The following EPHA5 variants were observed in gnomAD, a reference collection of about 807,000 sequenced individuals.
The protein encoded by EPHA5 is EPH receptor A5, also known as ephrin type-A receptor 5.
A neutral mutation model predicts 105.0 loss-of-function variants in EPHA5; 60 were observed. That is an observed-to-expected ratio of 0.57 (90% CI 0.46 to 0.71). EPHA5 has a LOEUF of 0.71. Ranked by LOEUF, EPHA5 falls within the 30% of genes least tolerant of loss-of-function variation. EPHA5 has a pLI of 0.00. For missense variants in EPHA5, 1,218 were observed against 1,274.7 expected (o/e 0.96, Z 0.68); for synonymous variants, 513 against 449.1 (o/e 1.14, Z -1.80).
At chr4:65,595,006 A>AT (rs1743026741) in intron 3 of EPHA5, among the ~76,000 whole-genome samples, 1 of 152,142 alleles carries the variant, frequency 6.6e-6, no homozygotes, top group African/African-American at 2.4e-5. Flanking sequence ...TTAAAGTGTA[A>AT]TTTTAGAAAG....
chr4:65,643,636 C>T (rs534731242), intron 1 of EPHA5, among the ~76,000 whole-genome samples: 1 of 150,690 alleles, frequency 6.6e-6, no homozygotes, highest in Admixed American at 6.6e-5. Flanking sequence ...ACAATCACAG[C>T]AAAATTCTCT....
At chr4:65,384,486 C>A (rs1054050075) in intron 8 of EPHA5, among the ~76,000 whole-genome samples, 1 of 151,834 alleles carries the variant, frequency 6.6e-6, no homozygotes, top group African/African-American at 2.4e-5. Flanking sequence ...CAAAGGAAGC[C>A]AAATCACCTA....
At chr4:65,611,227 GATATTTCAATATATTTCAGTAT>G (rs2149458095) in intron 2 of EPHA5, among the ~76,000 whole-genome samples, 2 of 152,008 alleles carry the variant, frequency 1.3e-5, no homozygotes, top group East Asian at 3.9e-4. Flanking sequence ...TCCTTTTAGT[GATATTTCAATATATTTCAGTAT>G]ATATTTCAAT....
chr4:65,551,681 C>T (rs1578404168), intron 3 of EPHA5, among the ~76,000 whole-genome samples: 1 of 152,010 alleles, frequency 6.6e-6, no homozygotes, highest in East Asian at 1.9e-4. Context: ...TTTATTGTAA[C>T]ATTTTTATTG....
intron 6 of EPHA5, among the ~76,000 whole-genome samples, chr4:65,417,831 C>T (rs1307734104): frequency 6.6e-6 from 1 of 152,156 alleles, no homozygotes; most frequent in East Asian, 1.9e-4. Context: ...ACAGAAGCAG[C>T]AACGTTTTTT....
intron 13 of EPHA5, 57 bp downstream of exon 13, chr4:65,351,332 C>G (rs1234401499): frequency 6.8e-7 from 1 of 1,474,422 alleles, no homozygotes; most frequent in Non-Finnish European, 9.3e-7. Flanking sequence ...CTTTCAGAAT[C>G]TTTAAAAATA....
intron 2 of EPHA5, among the ~76,000 whole-genome samples, chr4:65,623,709 T>C (rs1000774246): frequency 6.6e-6 from 1 of 152,126 alleles, no homozygotes; most frequent in Non-Finnish European, 1.5e-5. Flanking sequence ...AATGACTGCC[T>C]GATGGAAACA....
intron 7 of EPHA5, among the ~76,000 whole-genome samples, chr4:65,411,319 A>G (rs1374860180): frequency 1.3e-5 from 2 of 152,018 alleles, no homozygotes; most frequent in African/African-American, 4.8e-5. Flanking sequence ...ATGTCAATGA[A>G]AAATAAAAGC....
intron 1 of EPHA5, among the ~76,000 whole-genome samples, chr4:65,657,062 C>A (rs1433423142): frequency 1.2e-4 from 18 of 151,540 alleles, no homozygotes; most frequent in Non-Finnish European, 2.5e-4. Context: ...CCACGTAAAT[C>A]TATCTTAAAA....
At chr4:65,540,842 G>T (rs1271478045) in intron 3 of EPHA5, among the ~76,000 whole-genome samples, 1 of 139,758 alleles carries the variant, frequency 7.2e-6, no homozygotes, top group Non-Finnish European at 1.5e-5. Context: ...CTTTACCTCA[G>T]AATCACATAG....
rs374216487 is a variant in EPHA5 at position 65,414,192 on chromosome 4, C to T, written c.1687+92G>A. ...TGGGAGAGAGAGAGGGAGAGTGAGA[C>T]TGACAGAGTGCCCAGGGAGGGTATT... On this transcript the variant is annotated intron_variant, in intron 7 of 16. Transcript: ENST00000613740. 8.5e-5 allele frequency: 95 copies of T among 1,121,706 alleles called. 1 individual carries two copies. In the African/African-American group the frequency reaches 1.1e-3, roughly 13 times the overall value. 69.5% of individuals were successfully genotyped at this position (1,121,706 alleles called of 1,614,324 possible).
chr4:65,572,413 A>G (rs1220822748), intron 3 of EPHA5, among the ~76,000 whole-genome samples: 1 of 152,234 alleles, frequency 6.6e-6, no homozygotes, highest in African/African-American at 2.4e-5. Flanking sequence ...GACTTGAAAC[A>G]TAATCAAGGC....
chr4:65,452,138 G>T (rs1727127287), intron 5 of EPHA5, among the ~76,000 whole-genome samples: 1 of 152,176 alleles, frequency 6.6e-6, no homozygotes, highest in East Asian at 1.9e-4. Context: ...CCATTGAAAA[G>T]TTTCATGGAC....
intron 3 of EPHA5, among the ~76,000 whole-genome samples, chr4:65,597,455 T>C (rs1743297716): frequency 1.3e-5 from 1 of 78,260 alleles, no homozygotes; most frequent in Non-Finnish European, 3.0e-5. Context: ...AACCATTTTT[T>C]ACTAAAAAAA....
At chr4:65,528,986 A>C (rs1328282822) in intron 3 of EPHA5, among the ~76,000 whole-genome samples, 1 of 152,192 alleles carries the variant, frequency 6.6e-6, no homozygotes, top group East Asian at 1.9e-4. Flanking sequence ...GTCATGGTCT[A>C]GGAAAGCACT....
intron 1 of EPHA5, among the ~76,000 whole-genome samples, chr4:65,650,559 C>CAAAAAAAAGAA (rs71657196): frequency 5.1e-5 from 6 of 117,012 alleles, no homozygotes; most frequent in African/African-American, 7.4e-5. Flanking sequence ...GACTCAGTCT[C>CAAAAAAAAGAA]AAAAAAAAAA....
chr4:65,411,507 T>C (rs1336709917), intron 7 of EPHA5, among the ~76,000 whole-genome samples: 2 of 152,268 alleles, frequency 1.3e-5, no homozygotes, highest in African/African-American at 4.8e-5. Flanking sequence ...AATTTTAAAA[T>C]AATTTCCTAT....
At chr4:65,337,401 G>A (rs993147747) in intron 14 of EPHA5, among the ~76,000 whole-genome samples, 4 of 151,756 alleles carry the variant, frequency 2.6e-5, no homozygotes, top group African/African-American at 9.7e-5. Context: ...GCCTCTGATA[G>A]CCACATTCTA....
At chr4:65,640,442 C>T (rs13107901) in intron 2 of EPHA5, among the ~76,000 whole-genome samples, 1,720 of 151,988 alleles carry the variant, frequency 0.011, 28 homozygotes, top group Non-Finnish European at 0.014. Context: ...CCCACCACCA[C>T]GCCCAGCTAA....
Sources: gnomAD v4.1 joint callset for allele counts (sites outside exome capture counted in the v4.1 genomes callset) on GRCh38, gnomAD v4.1.1 for gene constraint, MANE v1.5 for transcripts, NCBI Gene and HGNC (gene_info 2026-07-23, HGNC 2026-07-21) for gene names.